The following ZNF93 variants were observed in gnomAD, a reference collection of about 807,000 sequenced individuals.
The protein encoded by ZNF93 is zinc finger protein 93, also known as zinc finger protein 505.
In ZNF93, 29 loss-of-function variants were observed where a neutral mutation model predicts 45.0. That is an observed-to-expected ratio of 0.64 (90% CI 0.48 to 0.88). ZNF93 has a LOEUF of 0.88. Among genes scored for constraint, ZNF93 ranks in the 40% least tolerant of loss-of-function variants. ZNF93 has a pLI of 0.00. For missense variants in ZNF93, 578 were observed against 724.0 expected (o/e 0.80, Z 2.31); for synonymous variants, 223 against 244.6 (o/e 0.91, Z 0.82).
At chr19:19,902,883 C>G (rs1056041190) in intron 1 of ZNF93, among the ~76,000 whole-genome samples, 1 of 151,738 alleles carries the variant, frequency 6.6e-6, no homozygotes, top group Admixed American at 6.6e-5. Flanking sequence ...ACTACAGGCA[C>G]CCACCACCAC....
At position 19,934,319 on chromosome 19, in the gene ZNF93, G is replaced by A; in HGVS notation, c.1364G>A (p.Cys455Tyr). 6.2e-7 allele frequency: 1 copy of A among 1,613,540 alleles called. No homozygotes were observed. The highest frequency in any genetic ancestry group is 8.5e-7 in the Non-Finnish European group (1 of 1,179,968). ...CATACTGGAAAGAAACCCTACAAGT[G>A]TGAAGAATGTGGCAAAGCTTTTAAC... ...IIHTGKKPYK[C>Y]EECGKAFNQS... The change falls in exon 4 of 4, where the codon TGT becomes TAT. Residue 455 changes from cysteine (C) to tyrosine (Y), a missense_variant. Coordinates refer to ENST00000343769, the MANE Select transcript of ZNF93 (RefSeq NM_031218.4).
rs191428508 is a variant in ZNF93 at position 19,932,156 on chromosome 19, C to T, written c.227-1026C>T. 7.2e-3 allele frequency: 1,367 copies of T among 190,768 alleles called. 12 individuals carry two copies. Among genetic ancestry groups the T allele is most frequent in the Non-Finnish European group, 0.011 (957 of 90,646 alleles). The allele number at this position is 190,768 out of a possible 1,614,324, so 11.8% of individuals were successfully genotyped here. A position where few individuals can be genotyped will look rare whatever the true frequency, so the allele number is the denominator to read the frequency against. On this transcript the variant is annotated intron_variant, in intron 3 of 3. Transcript: ENST00000343769. ...GGCATGGTGGCCCATGCCTGTAGTACGAGCTACTCAGGAGGTTGAGGCAGG... is the reference window on the plus strand; with the variant it reads ...GGCATGGTGGCCCATGCCTGTAGTATGAGCTACTCAGGAGGTTGAGGCAGG...
At chr19:19,906,718 A>G (rs2063293844) in intron 1 of ZNF93, among the ~76,000 whole-genome samples, 1 of 151,940 alleles carries the variant, frequency 6.6e-6, no homozygotes, top group South Asian at 2.1e-4. Context: ...GATGTAATGA[A>G]GGGGTCCAGT....
intron 1 of ZNF93, among the ~76,000 whole-genome samples, chr19:19,902,763 G>T: frequency 6.8e-6 from 1 of 147,750 alleles, no homozygotes; most frequent in Non-Finnish European, 1.5e-5. Context: ...TTGAGATGGA[G>T]TCTCGCTCTG....
Position 19,902,682 on chromosome 19 carries a change from C to CT in ZNF93, c.3+1592dup, listed in dbSNP as rs567835859. Among the ~76,000 whole-genome samples, 4 of 151,490 alleles carry CT rather than the reference C, an allele frequency of 2.6e-5. No individual in the cohort carries two copies. The South Asian group carries it at 8.3e-4, about 32-fold the overall frequency. Reference sequence around the variant, plus strand: ...AGAGAAGGTACAGAGCCCCAGAAAGCTGGGGCCCCACAAGCAGATGCAGTT... The same window carrying CT: ...AGAGAAGGTACAGAGCCCCAGAAAGCTTGGGGCCCCACAAGCAGATGCAGTT... On this transcript the variant is annotated intron_variant, in intron 1 of 3. Transcript: ENST00000343769.
chr19:19,934,134 A>G lies in ZNF93; in HGVS notation c.1179A>G (p.Gly393=), dbSNP rs777488964. ...CTAGACATAAGAGAGTTCATACTGGAGAGAAGCCCTACAAATGTGAAGAAT... is the reference window on the plus strand; with the variant it reads ...CTAGACATAAGAGAGTTCATACTGGGGAGAAGCCCTACAAATGTGAAGAAT... The part of the protein sequence containing the change: ...VLTRHKRVHT[G]EKPYKCEECG... Residue 393 remains glycine (G), a synonymous_variant, in exon 4 of 4, where the codon GGA becomes GGG. Transcript: ENST00000343769. 7.4e-6 allele frequency: 12 copies of G among 1,610,892 alleles called. No individual in the cohort carries two copies. Among genetic ancestry groups the G allele is most frequent in the Non-Finnish European group, 9.3e-6 (11 of 1,178,996 alleles).
chr19:19,910,754 AGGATGCAGAGCCAGGTG>A (rs910033707), intron 1 of ZNF93, among the ~76,000 whole-genome samples: 1 of 152,050 alleles, frequency 6.6e-6, no homozygotes, highest in Non-Finnish European at 1.5e-5. Flanking sequence ...GTAACACCAA[AGGATGCAGAGCCAGGTG>A]GATCCTACCT....
At chr19:19,922,269 G>GC (rs1004181778) in intron 3 of ZNF93, among the ~76,000 whole-genome samples, 1 of 152,126 alleles carries the variant, frequency 6.6e-6, no homozygotes, top group African/African-American at 2.4e-5. Flanking sequence ...TTGAATATTG[G>GC]CCCCCACTCT....
chr19:19,933,235 T>G lies in ZNF93; in HGVS notation c.280T>G (p.Ser94Ala). 6.2e-7 allele frequency: 1 copy of G among 1,603,418 alleles called. No homozygotes were observed. The highest frequency in any genetic ancestry group is 8.5e-7 in the Non-Finnish European group (1 of 1,175,256). Residue 94 changes from serine (S) to alanine (A), a missense_variant, in exon 4 of 4, where the codon TCT (serine) becomes GCT (alanine). Physicochemically the swap from Ser to Ala is moderately conservative, Grantham distance 99. This residue lies in a region of ZNF93 where 446 missense variants were observed against 547.6 expected (regional missense o/e 0.81). Coordinates refer to ENST00000343769, the MANE Select transcript of ZNF93 (RefSeq NM_031218.4). ...DLWPEQNIKD[S>A]FQKVILRRYE... ...TTGGCCAGAGCAGAACATAAAAGAT[T>G]CTTTCCAAAAAGTGATACTGAGAAG...
chr19:19,933,130 T>C (rs1362463150), intron 3 of ZNF93, 52 bp from the exon 4 acceptor site: 1 of 1,360,964 alleles, frequency 7.3e-7, no homozygotes, highest in African/African-American at 1.5e-5. Context: ...TTGTAAAGTA[T>C]ATTTATCTGA....
intron 1 of ZNF93, among the ~76,000 whole-genome samples, chr19:19,903,266 A>AT (rs2063281557): frequency 6.6e-6 from 1 of 152,080 alleles, no homozygotes; most frequent in Non-Finnish European, 1.5e-5. Context: ...TGGGAGGGGA[A>AT]TGGCAAATGG....
intron 1 of ZNF93, chr19:19,914,645 C>T: frequency 5.0e-6 from 1 of 199,812 alleles, no homozygotes. Context: ...TTGCATAAAC[C>T]ATCACATTTA....
intron 1 of ZNF93, among the ~76,000 whole-genome samples, chr19:19,904,701 G>C (rs1222899954): frequency 1.3e-5 from 2 of 152,124 alleles, no homozygotes; most frequent in Non-Finnish European, 2.9e-5. Flanking sequence ...TAAAACTCTG[G>C]GTGTTTGGGA....
chr19:19,924,241 C>A (rs1432912404), intron 3 of ZNF93, among the ~76,000 whole-genome samples: 2 of 152,068 alleles, frequency 1.3e-5, no homozygotes, highest in Non-Finnish European at 2.9e-5. Flanking sequence ...GTGTTTGCCA[C>A]AATGCCTGGC....
chr19:19,904,116 A>ATT (rs60853268), intron 1 of ZNF93, among the ~76,000 whole-genome samples: 1,629 of 141,026 alleles, frequency 0.012, 20 homozygotes, highest in African/African-American at 0.024. Flanking sequence ...AATACAGCTG[A>ATT]TTTTTTTTTT....
At chr19:19,926,072 C>T (rs2063355072) in intron 3 of ZNF93, 1 of 150,092 alleles carries the variant, frequency 6.7e-6, no homozygotes, top group African/African-American at 2.5e-5. Flanking sequence ...ATTGCAGTTA[C>T]CTAGAATTTT....
At chr19:19,906,706 A>G (rs774738236) in intron 1 of ZNF93, among the ~76,000 whole-genome samples, 4 of 152,028 alleles carry the variant, frequency 2.6e-5, no homozygotes, top group Non-Finnish European at 4.4e-5. Flanking sequence ...ATTTTTGTAT[A>G]TGATGTAATG....
At chr19:19,922,068 G>T (rs1331620069) in intron 3 of ZNF93, among the ~76,000 whole-genome samples, 1 of 152,156 alleles carries the variant, frequency 6.6e-6, no homozygotes, top group Non-Finnish European at 1.5e-5. Context: ...GCATGTTTTT[G>T]CAGTGGCTGG....
chr19:19,912,315 G>A (rs2063311064), intron 1 of ZNF93, among the ~76,000 whole-genome samples: 1 of 152,152 alleles, frequency 6.6e-6, no homozygotes, highest in African/African-American at 2.4e-5. Flanking sequence ...CCCCAGACGT[G>A]TTCAGATTCA....
Sources: gnomAD v4.1 joint callset for allele counts (sites outside exome capture counted in the v4.1 genomes callset) on GRCh38, gnomAD v4.1.1 for gene constraint, gnomAD v4.1.1 regional missense constraint, MANE v1.5 for transcripts, NCBI Gene and HGNC (gene_info 2026-07-23, HGNC 2026-07-21) for gene names.